The following ERLEC1 variants were observed in gnomAD, a reference collection of about 807,000 sequenced individuals.
ERLEC1 encodes the protein ER lectin.
ERLEC1 carries 47 observed loss-of-function variants against 68.0 expected under a neutral mutation model. The observed-to-expected ratio is 0.69, with a 90% CI of 0.55 to 0.88. The LOEUF (loss-of-function observed/expected upper bound fraction) is 0.88, where lower values mean the gene tolerates loss of function less well. Ranked by LOEUF, ERLEC1 falls within the 40% of genes least tolerant of loss-of-function variation. The pLI is 0.00. For missense variants in ERLEC1, 567 were observed against 583.8 expected (o/e 0.97, Z 0.30); for synonymous variants, 225 against 203.2 (o/e 1.11, Z -0.91).
intron 9 of ERLEC1, 66 bp downstream of exon 9, chr2:53,808,526 G>A (rs112825161): frequency 1.8e-5 from 27 of 1,466,964 alleles, no homozygotes; most frequent in African/African-American, 1.1e-4. Flanking sequence ...TGGTCAGTGG[G>A]CATCAGCAGC....
At chr2:53,816,131 A>G (rs754365447) in intron 13 of ERLEC1, among the ~76,000 whole-genome samples, 4 of 152,110 alleles carry the variant, frequency 2.6e-5, no homozygotes, top group Admixed American at 6.5e-5. Flanking sequence ...CACAGGCTGG[A>G]ATGCAGTGGC....
intron 2 of ERLEC1, 118 bp downstream of exon 2, chr2:53,794,567 A>T: frequency 1.8e-6 from 1 of 560,424 alleles, no homozygotes. Flanking sequence ...CTCTTTTAGC[A>T]TAAAAATAGT....
intron 13 of ERLEC1, 50 bp downstream of exon 13, chr2:53,814,985 A>ATTTTTTTTTTTTTT: frequency 1.0e-6 from 1 of 967,254 alleles, no homozygotes. Context: ...CCATGTTTTA[A>ATTTTTTTTTTTTTT]TTTTTTTTTC....
chr2:53,812,844 C>T, intron 10 of ERLEC1, 105 bp from the exon 11 acceptor site: 1 of 1,133,446 alleles, frequency 8.8e-7, no homozygotes, highest in South Asian at 1.6e-5. Flanking sequence ...TATAGATATC[C>T]ACTGTGCAGA....
chr2:53,807,293 T>G (rs548278409), intron 8 of ERLEC1, among the ~76,000 whole-genome samples: 6 of 152,342 alleles, frequency 3.9e-5, no homozygotes, highest in Admixed American at 2.6e-4. Context: ...TTATTCTTGT[T>G]TCAAGAATTG....
Position 53,801,518 on chromosome 2 carries a change from A to T in ERLEC1, c.647A>T (p.His216Leu), listed in dbSNP as rs1356956886. The T allele has an allele frequency of 6.2e-7, 1 of 1,614,016 alleles. No individual in the cohort carries two copies. Among genetic ancestry groups the T allele is most frequent in the Admixed American group, 1.7e-5 (1 of 60,004 alleles). Residue 216 changes from histidine to leucine, a missense_variant, in exon 7 of 14, where the codon CAT (histidine) becomes CTT (leucine). Transcript: ENST00000185150. Reference sequence around the variant, plus strand: ...TCAAGTACTGTGATGTACATATGTCATCCTGAATCTAAGCATGAAATTCTT... The same window carrying T: ...TCAAGTACTGTGATGTACATATGTCTTCCTGAATCTAAGCATGAAATTCTT... ...PRSSTVMYICHPESKHEILSV... is the reference protein window; with the variant it reads ...PRSSTVMYICLPESKHEILSV...
chr2:53,808,342 A>T lies in ERLEC1; in HGVS notation c.923A>T (p.His308Leu). The change falls in exon 9 of 14, where the codon CAC (histidine) becomes CTC (leucine). Residue 308 changes from histidine (H) to leucine (L), a missense_variant. By Grantham distance (99) the His-to-Leu change is moderately conservative. Coordinates refer to ENST00000185150, the MANE Select transcript of ERLEC1 (RefSeq NM_015701.5). ...STKEERFPAI[H>L]KSIAIGSQPV... is the part of the protein sequence containing the mutation. The stretch of plus-strand genomic sequence containing the variant: ...AAAGAAGAGAGATTTCCAGCGATCC[A>T]CAAGTCGATTGCTATTGGCTCTCAG... 6.2e-7 allele frequency: 1 copy of T among 1,614,210 alleles called. No homozygotes were observed. Among genetic ancestry groups the T allele is most frequent in the Non-Finnish European group, 8.5e-7 (1 of 1,180,038 alleles).
chr2:53,802,309 T>TC (rs1001957833), intron 8 of ERLEC1, among the ~76,000 whole-genome samples: 12 of 152,210 alleles, frequency 7.9e-5, no homozygotes, highest in Non-Finnish European at 1.3e-4. Flanking sequence ...ATCATTTTTT[T>TC]CTCTTTCATA....
At chr2:53,815,216 G>C (rs1676815607) in intron 13 of ERLEC1, among the ~76,000 whole-genome samples, 1 of 151,796 alleles carries the variant, frequency 6.6e-6, no homozygotes, top group Non-Finnish European at 1.5e-5. Flanking sequence ...ATGTTGGCCA[G>C]GCTGGTCTCA....
At chr2:53,797,652 G>A (rs924386378) in intron 4 of ERLEC1, 60 bp downstream of exon 4, 25 of 1,559,074 alleles carry the variant, frequency 1.6e-5, no homozygotes, top group Non-Finnish European at 2.1e-5. Context: ...TTAATAATGA[G>A]ATTGATAGTT....
At chr2:53,807,451 G>A (rs1211036817) in intron 8 of ERLEC1, among the ~76,000 whole-genome samples, 1 of 151,714 alleles carries the variant, frequency 6.6e-6, no homozygotes, top group African/African-American at 2.4e-5. Context: ...TGTCACCCAA[G>A]CTGGAGTGTA....
At chr2:53,793,256 T>G (rs532729033) in intron 1 of ERLEC1, among the ~76,000 whole-genome samples, 1 of 152,356 alleles carries the variant, frequency 6.6e-6, no homozygotes, top group South Asian at 2.1e-4. Flanking sequence ...TCTGTTGTAT[T>G]AATTGAAGTG....
chr2:53,793,952 G>C (rs574468522), intron 1 of ERLEC1, among the ~76,000 whole-genome samples: 1 of 152,052 alleles, frequency 6.6e-6, no homozygotes, highest in African/African-American at 2.4e-5. Context: ...ACCAAATACC[G>C]TATGTTTTCA....
chr2:53,797,693 A>G (rs774977883), intron 4 of ERLEC1, 39 bp from the exon 5 acceptor site: 1 of 1,581,434 alleles, frequency 6.3e-7, no homozygotes. Context: ...ATGTCTTTGC[A>G]AAATACTTAG....
intron 6 of ERLEC1, 65 bp from the exon 7 acceptor site, chr2:53,801,332 T>G: frequency 8.5e-7 from 1 of 1,178,474 alleles, no homozygotes; most frequent in South Asian, 1.4e-5. Flanking sequence ...AATAAGTTCC[T>G]CTCCCACCCC....
At position 53,794,648 on chromosome 2, in the gene ERLEC1, T is replaced by C. The variant is rs1004185806; in HGVS notation, c.267+199T>C. Among the ~76,000 whole-genome samples, 3 of 152,322 alleles carry C rather than the reference T, an allele frequency of 2.0e-5. No homozygotes were observed. The East Asian group carries it at 5.8e-4, about 29-fold the overall frequency. On this transcript the variant is annotated intron_variant, in intron 2 of 13. Transcript: ENST00000185150. The stretch of plus-strand genomic sequence containing the variant: ...TGGGAAAAATTAGCAATCAATTTTT[T>C]TTTATTTTATTTATTTATTTATTTT...
At chr2:53,794,038 G>A (rs929208401) in intron 1 of ERLEC1, among the ~76,000 whole-genome samples, 2 of 152,120 alleles carry the variant, frequency 1.3e-5, no homozygotes, top group African/African-American at 4.8e-5. Flanking sequence ...CAAAAGACAG[G>A]AGAGAGGGAG....
At chr2:53,794,968 C>T (rs950099549) in intron 2 of ERLEC1, among the ~76,000 whole-genome samples, 2 of 152,090 alleles carry the variant, frequency 1.3e-5, no homozygotes, top group Non-Finnish European at 2.9e-5. Flanking sequence ...CAATTATTAA[C>T]GTTTTGAATG....
intron 8 of ERLEC1, among the ~76,000 whole-genome samples, chr2:53,806,859 T>G (rs1414690235): frequency 6.6e-6 from 1 of 152,242 alleles, no homozygotes; most frequent in African/African-American, 2.4e-5. Flanking sequence ...TACATTCATT[T>G]CTTTGCCAGT....
Sources: allele counts gnomAD v4.1 joint callset (sites outside exome capture counted in the v4.1 genomes callset), GRCh38; gene constraint gnomAD v4.1.1; transcripts MANE v1.5; gene names NCBI Gene and HGNC (gene_info 2026-07-23, HGNC 2026-07-21).